CNTN3: variants seen among roughly 807,000 people sequenced by gnomAD.
The protein encoded by CNTN3 is contactin-3.
CNTN3 carries 60 observed loss-of-function variants against 119.1 expected under a neutral mutation model. The ratio of observed to expected loss-of-function variants is 0.50; its 90% CI spans 0.41 to 0.62. The LOEUF (loss-of-function observed/expected upper bound fraction) is 0.62. Among genes scored for constraint, CNTN3 ranks in the 20% least tolerant of loss-of-function variants. CNTN3 has a pLI of 0.00. For synonymous variants in CNTN3, 450 were observed against 438.7 expected (o/e 1.03, Z -0.32); for missense variants, 1,101 against 1,242.4 (o/e 0.89, Z 1.71).
chr3:74,532,721 T>G (rs2107137286), intron 1 of CNTN3, among the ~76,000 whole-genome samples: 1 of 152,024 alleles, frequency 6.6e-6, no homozygotes, highest in African/African-American at 2.4e-5. Flanking sequence ...AATCTAAAAC[T>G]TATGAATTGT....
chr3:74,450,976 A>G (rs542150472), intron 4 of CNTN3, among the ~76,000 whole-genome samples: 56 of 152,108 alleles, frequency 3.7e-4, no homozygotes, highest in African/African-American at 1.0e-3. Context: ...ATAAACATAC[A>G]TGTGCATGTG....
intron 1 of CNTN3, among the ~76,000 whole-genome samples, chr3:74,590,048 T>C (rs181887763): frequency 0.023 from 3,453 of 151,650 alleles, 63 homozygotes; most frequent in African/African-American, 0.05. Flanking sequence ...GCATGGCACA[T>C]GTATACATAT....
At chr3:74,524,605 T>C (rs567273254) in intron 1 of CNTN3, among the ~76,000 whole-genome samples, 3 of 151,856 alleles carry the variant, frequency 2.0e-5, no homozygotes, top group Non-Finnish European at 2.9e-5. Flanking sequence ...GACAAGTACT[T>C]GGTATGGATT....
Position 74,358,783 on chromosome 3 carries a change from C to T in CNTN3, c.1364+3107G>A, listed in dbSNP as rs1704007719. Among the ~76,000 whole-genome samples the T allele has an allele frequency of 2.3e-5, 3 of 129,346 alleles. No homozygotes were observed. In the South Asian group the frequency reaches 7.8e-4, roughly 34 times the overall value. The allele number at this position is 129,346 out of a possible 152,430, so 84.9% of individuals were successfully genotyped here. ...CCCTCCCCCCACCCCACAACAGTCC[C>T]CAGAGTGTGATATTCCCCTTTCTGT... is the stretch of plus-strand genomic sequence containing the variant. On this transcript the variant is annotated intron_variant, in intron 11 of 22. Transcript: ENST00000263665.
At chr3:74,277,498 C>G (rs1701905306) in intron 20 of CNTN3, among the ~76,000 whole-genome samples, 1 of 152,154 alleles carries the variant, frequency 6.6e-6, no homozygotes, top group South Asian at 2.1e-4. Flanking sequence ...ACCACATAAA[C>G]AGAATTAAAA....
intron 5 of CNTN3, among the ~76,000 whole-genome samples, chr3:74,411,937 T>C (rs1355533158): frequency 6.6e-6 from 1 of 152,182 alleles, no homozygotes; most frequent in African/African-American, 2.4e-5. Flanking sequence ...TACTTTCAGA[T>C]ATAATAATGT....
intron 2 of CNTN3, among the ~76,000 whole-genome samples, chr3:74,510,460 T>C (rs754368959): frequency 4.6e-5 from 7 of 152,028 alleles, no homozygotes; most frequent in Non-Finnish European, 1.0e-4. Context: ...CGAAAGTACA[T>C]ACAAAAATAG....
At chr3:74,566,218 C>T (rs893071770) in intron 1 of CNTN3, among the ~76,000 whole-genome samples, 24 of 152,016 alleles carry the variant, frequency 1.6e-4, no homozygotes, top group African/African-American at 5.3e-4. Context: ...CTATTCACAA[C>T]ATATGAACAA....
chr3:74,307,655 A>T lies in CNTN3; in HGVS notation c.1669-4848T>A, dbSNP rs374319602. On this transcript the variant is annotated intron_variant, in intron 13 of 22. Transcript: ENST00000263665. Reference sequence around the variant, plus strand: ...AACCCATACCAGATAAAAATAAACAAGCAGAAAGATCATCACTAATTACAG... The same window carrying T: ...AACCCATACCAGATAAAAATAAACATGCAGAAAGATCATCACTAATTACAG... 4.8e-4 allele frequency among the ~76,000 whole-genome samples: 73 copies of T among 152,320 alleles called. 2 individuals are homozygous for T. In the East Asian group the frequency reaches 0.014, roughly 28 times the overall value.
intron 13 of CNTN3, among the ~76,000 whole-genome samples, chr3:74,330,638 T>A (rs1703243025): frequency 6.6e-6 from 1 of 152,144 alleles, no homozygotes; most frequent in African/African-American, 2.4e-5. Context: ...TATAAAAGAG[T>A]CTCATATAGG....
intron 13 of CNTN3, among the ~76,000 whole-genome samples, chr3:74,325,770 C>T (rs1171752118): frequency 6.6e-6 from 1 of 152,120 alleles, no homozygotes; most frequent in Non-Finnish European, 1.5e-5. Context: ...TAAAGATCAA[C>T]AGTATATAAG....
At chr3:74,418,485 G>T (rs1050854344) in intron 5 of CNTN3, among the ~76,000 whole-genome samples, 5 of 151,452 alleles carry the variant, frequency 3.3e-5, no homozygotes, top group Admixed American at 2.0e-4. Context: ...GGGATTACAG[G>T]CACCTGCCAC....
intron 4 of CNTN3, among the ~76,000 whole-genome samples, chr3:74,432,347 A>C (rs1400575475): frequency 6.6e-6 from 1 of 152,070 alleles, no homozygotes; most frequent in East Asian, 1.9e-4. Context: ...GTCTTGGGCC[A>C]CACATAAAAT....
intron 11 of CNTN3, among the ~76,000 whole-genome samples, chr3:74,346,344 C>T (rs899389447): frequency 1.3e-5 from 2 of 151,928 alleles, no homozygotes; most frequent in Non-Finnish European, 1.5e-5. Flanking sequence ...AATAATCTCT[C>T]TTCTTTTCCA....
intron 11 of CNTN3, among the ~76,000 whole-genome samples, chr3:74,355,168 G>T (rs902235868): frequency 1.5e-4 from 23 of 152,090 alleles, no homozygotes; most frequent in African/African-American, 5.6e-4. Context: ...TTTCTATAAG[G>T]TTCCCTGTCA....
chr3:74,370,003 CA>C lies in CNTN3; in HGVS notation c.659-13del. On this transcript the variant is annotated splice_polypyrimidine_tract_variant and intron_variant, in intron 6 of 22. Transcript: ENST00000263665. ...TTCACCCATCACACCTATAAATCCA[CA>C]ATATAAAGTTAATCGTTTCAATATT... The C allele has an allele frequency of 7.1e-7, 1 of 1,403,710 alleles. No individual in the cohort carries two copies. Among genetic ancestry groups the C allele is most frequent in the Non-Finnish European group, 1.0e-6 (1 of 997,256 alleles). 87.0% of individuals were successfully genotyped at this position (1,403,710 alleles called of 1,614,324 possible).
At chr3:74,485,907 G>A (rs1702847816) in intron 4 of CNTN3, among the ~76,000 whole-genome samples, 1 of 152,080 alleles carries the variant, frequency 6.6e-6, no homozygotes. Context: ...GCGTCAGTGG[G>A]AGCTGTGCTG....
intron 13 of CNTN3, among the ~76,000 whole-genome samples, chr3:74,305,149 T>C (rs564897624): frequency 9.2e-5 from 14 of 152,306 alleles, no homozygotes; most frequent in African/African-American, 2.9e-4. Context: ...GGTGTAAACA[T>C]GTGAAACAAG....
chr3:74,329,214 T>C (rs974441840), intron 13 of CNTN3, among the ~76,000 whole-genome samples: 8 of 152,210 alleles, frequency 5.3e-5, no homozygotes, highest in Non-Finnish European at 1.2e-4. Context: ...CTCAAGCTCA[T>C]GTGTAGCTGC....
Sources: gnomAD v4.1 joint callset for allele counts (sites outside exome capture counted in the v4.1 genomes callset) on GRCh38, gnomAD v4.1.1 for gene constraint, MANE v1.5 for transcripts, NCBI Gene and HGNC (gene_info 2026-07-23, HGNC 2026-07-21) for gene names.